The following CYP4X1 variants were observed in gnomAD, a reference collection of about 807,000 sequenced individuals.
The protein encoded by CYP4X1 is cytochrome P450 family 4 subfamily X member 1.
A neutral mutation model predicts 57.9 loss-of-function variants in CYP4X1; 44 were observed. The observed-to-expected ratio is 0.76, with a 90% CI of 0.60 to 0.98. The LOEUF (loss-of-function observed/expected upper bound fraction) is 0.98. Ranked by LOEUF, CYP4X1 falls within the 50% of genes least tolerant of loss-of-function variation. The pLI is 0.00. For synonymous variants in CYP4X1, 227 were observed against 228.6 expected, an observed-to-expected ratio of 0.99 and a Z score of 0.06; for missense variants, 532 against 623.9, an observed-to-expected ratio of 0.85 and a Z score of 1.57.
the CYP4X1 span, among the ~76,000 whole-genome samples, chr1:46,996,658 G>T: frequency 2.6e-5 from 4 of 152,282 alleles, no homozygotes; most frequent in African/African-American, 9.6e-5. Flanking sequence ...GATTGTCAAG[G>T]TTTATCAACA....
intron 8 of CYP4X1, 72 bp downstream of exon 8, chr1:47,039,604 C>G (rs1644223323): frequency 4.8e-6 from 6 of 1,262,162 alleles, no homozygotes; most frequent in Non-Finnish European, 4.3e-6. Flanking sequence ...TGCGCTGGTA[C>G]CTTAGTGACC....
At chr1:46,965,613 T>C in the CYP4X1 span, among the ~76,000 whole-genome samples, 4 of 152,294 alleles carry the variant, frequency 2.6e-5, no homozygotes, top group South Asian at 6.2e-4. Flanking sequence ...CCCAGCGGGG[T>C]ACTGAGTTGT....
Position 47,039,556 on chromosome 1 carries a change from T to G in CYP4X1, c.1073+24T>G, listed in dbSNP as rs778175064. ...TGGTAAGATCTGCACCCCTAAATTT[T>G]CCTGCTAGTTTTCCCCCTGAGATTT... On this transcript the variant is annotated intron_variant, in intron 8 of 11. Transcript: ENST00000371901. 1.9e-6 allele frequency: 3 copies of G among 1,552,098 alleles called. No homozygotes were observed. The South Asian group carries it at 3.7e-5, about 19-fold the overall frequency.
At chr1:47,008,120 G>C in the CYP4X1 span, among the ~76,000 whole-genome samples, 2 of 152,156 alleles carry the variant, frequency 1.3e-5, no homozygotes, top group Non-Finnish European at 2.9e-5. Context: ...ACACATAATT[G>C]TCAGATTCAC....
upstream of CYP4X1, among the ~76,000 whole-genome samples, chr1:47,020,255 A>C (rs1643981835): frequency 6.6e-6 from 1 of 152,188 alleles, no homozygotes; most frequent in Admixed American, 6.5e-5. Context: ...ATTTTAAGAC[A>C]CAGCTCCACT....
chr1:46,999,026 T>TTGTG, the CYP4X1 span, among the ~76,000 whole-genome samples: 304 of 143,322 alleles, frequency 2.1e-3, 1 homozygote, highest in African/African-American at 6.6e-3. Context: ...CTTGCTTTCT[T>TTGTG]TGTGTGTGTG....
the CYP4X1 span, among the ~76,000 whole-genome samples, chr1:46,963,712 A>G: frequency 6.6e-6 from 1 of 152,156 alleles, no homozygotes; most frequent in Non-Finnish European, 1.5e-5. Context: ...TGAATCTGAC[A>G]ATTATGTGTC....
the CYP4X1 span, among the ~76,000 whole-genome samples, chr1:46,966,662 C>T: frequency 5.9e-5 from 9 of 152,142 alleles, no homozygotes; most frequent in East Asian, 1.3e-3. Context: ...AATTCACTCG[C>T]CCCTTTTCAT....
the CYP4X1 span, chr1:46,967,836 C>T: frequency 2.3e-6 from 3 of 1,282,458 alleles, no homozygotes; most frequent in African/African-American, 1.6e-5. Flanking sequence ...CCACCTTTAG[C>T]TCATTCATGG....
At chr1:46,994,283 G>T in the CYP4X1 span, 40 of 152,160 alleles carry the variant, frequency 2.6e-4, no homozygotes, top group African/African-American at 9.2e-4. Context: ...CTGTTCCATT[G>T]GTCTATATAT....
the CYP4X1 span, among the ~76,000 whole-genome samples, chr1:46,985,840 G>T: frequency 3.9e-5 from 6 of 152,166 alleles, no homozygotes; most frequent in African/African-American, 1.4e-4. Context: ...AAAGGATGTT[G>T]TCCACACAGA....
the CYP4X1 span, among the ~76,000 whole-genome samples, chr1:46,986,553 G>A: frequency 2.0e-5 from 3 of 152,032 alleles, no homozygotes; most frequent in East Asian, 3.9e-4. Flanking sequence ...GATACTCCTC[G>A]AGAAGAGCAC....
At chr1:46,969,216 G>A in the CYP4X1 span, among the ~76,000 whole-genome samples, 294 of 152,298 alleles carry the variant, frequency 1.9e-3, 1 homozygote, top group African/African-American at 6.6e-3. Context: ...TTCCCACCAC[G>A]TGACATGCTG....
chr1:46,982,111 C>T, the CYP4X1 span, among the ~76,000 whole-genome samples: 13 of 151,958 alleles, frequency 8.6e-5, no homozygotes, highest in African/African-American at 3.1e-4. Flanking sequence ...GCACATGTAC[C>T]CTAGAACTTA....
the CYP4X1 span, among the ~76,000 whole-genome samples, chr1:46,976,633 C>T: frequency 1.3e-5 from 2 of 152,292 alleles, no homozygotes; most frequent in African/African-American, 2.4e-5. Context: ...TGAGAATGAA[C>T]AGACTGCCTC....
chr1:47,015,508 C>T, the CYP4X1 span, among the ~76,000 whole-genome samples: 1 of 152,186 alleles, frequency 6.6e-6, no homozygotes, highest in Admixed American at 6.5e-5. Context: ...TTTCCTCCTC[C>T]CATTCTTTCT....
chr1:46,980,798 C>A, the CYP4X1 span, among the ~76,000 whole-genome samples: 4 of 152,104 alleles, frequency 2.6e-5, no homozygotes, highest in African/African-American at 9.7e-5. Flanking sequence ...ATCAATGGAA[C>A]AGAACAGAGG....
the CYP4X1 span, among the ~76,000 whole-genome samples, chr1:46,964,541 G>C: frequency 6.6e-6 from 1 of 152,214 alleles, no homozygotes; most frequent in South Asian, 2.1e-4. Flanking sequence ...AGCAGTGGAG[G>C]CTGCAGAACA....
rs1644352405 is a variant in CYP4X1, at chr1:47,050,513, C to T, written c.*339C>T. 6.2e-6 allele frequency: 1 copy of T among 161,746 alleles called. No homozygotes were observed. Among genetic ancestry groups the T allele is most frequent in the Non-Finnish European group, 1.3e-5 (1 of 74,468 alleles). 10.0% of individuals were successfully genotyped at this position (161,746 alleles called of 1,614,324 possible). A position where few individuals can be genotyped will look rare whatever the true frequency, so the allele number is the denominator to read the frequency against. ...GCATGTATGCTCACTGTCAAAAATT[C>T]CCAACACTAGAAAATCATGTAGAAT... On this transcript the variant is annotated 3_prime_UTR_variant, in exon 12 of 12. Coordinates refer to ENST00000371901, the MANE Select transcript of CYP4X1 (RefSeq NM_178033.2).
Sources: gnomAD v4.1 joint callset for allele counts (sites outside exome capture counted in the v4.1 genomes callset) on GRCh38, gnomAD v4.1.1 for gene constraint, MANE v1.5 for transcripts, NCBI Gene and HGNC (gene_info 2026-07-23, HGNC 2026-07-21) for gene names.